The following TENM3 variants were observed in gnomAD, a reference collection of about 807,000 sequenced individuals.
TENM3 encodes teneurin transmembrane protein 3.
In TENM3, 63 loss-of-function variants were observed where a neutral mutation model predicts 255.1. The observed-to-expected ratio is 0.25, with a 90% confidence interval of 0.20 to 0.30. TENM3 has a LOEUF of 0.30. Among genes scored for constraint, TENM3 ranks in the 10% least tolerant of loss-of-function variants. The probability of loss-of-function intolerance (pLI) is 1.00; values close to 1 mark genes in which losing one functional copy is unlikely to be tolerated. For synonymous variants in TENM3, 1,306 were observed against 1,322.3 expected (o/e 0.99, Z 0.27); for missense variants, 2,929 against 3,461.1 (o/e 0.85, Z 3.86).
intron 1 of TENM3, among the ~76,000 whole-genome samples, chr4:182,300,122 G>A (rs527731852): frequency 8.1e-4 from 123 of 152,216 alleles, no homozygotes; most frequent in African/African-American, 2.9e-3. Flanking sequence ...CACCATGTTG[G>A]CAAGGCTGGT....
chr4:182,648,060 G>A (rs766473367), intron 5 of TENM3, among the ~76,000 whole-genome samples: 2 of 151,898 alleles, frequency 1.3e-5, no homozygotes, highest in African/African-American at 2.4e-5. Context: ...CTCCCACCTG[G>A]TGGAGTCATG....
chr4:181,635,035 G>A, the TENM3 span, among the ~76,000 whole-genome samples: 1 of 152,018 alleles, frequency 6.6e-6, no homozygotes, highest in South Asian at 2.1e-4. Flanking sequence ...AATATTGTGA[G>A]ACCTATCTCT....
chr4:182,471,627 C>CTGTGTGTGTGTG (rs35316767), intron 3 of TENM3, among the ~76,000 whole-genome samples: 3 of 149,818 alleles, frequency 2.0e-5, no homozygotes, highest in African/African-American at 7.4e-5. Context: ...GCACATGCCT[C>CTGTGTGTGTGTG]TGTGTGTGTG....
the TENM3 span, among the ~76,000 whole-genome samples, chr4:181,488,463 C>G: frequency 2.6e-5 from 4 of 152,092 alleles, no homozygotes; most frequent in South Asian, 8.3e-4. Flanking sequence ...TGGAAAGATT[C>G]GTTTTTTGGT....
chr4:182,650,925 A>ATATATATAT (rs1561056446), intron 5 of TENM3, among the ~76,000 whole-genome samples: 123 of 18,700 alleles, frequency 6.6e-3, no homozygotes, highest in East Asian at 0.012. Context: ...TATATATATA[A>ATATATATAT]AACAAAGCTG....
intron 1 of TENM3, among the ~76,000 whole-genome samples, chr4:182,178,394 A>G (rs944669019): frequency 1.3e-5 from 2 of 152,056 alleles, no homozygotes; most frequent in African/African-American, 2.4e-5. Context: ...CCTTCACAAC[A>G]CTGTTGCTCT....
the TENM3 span, among the ~76,000 whole-genome samples, chr4:181,676,989 C>CTTTTTTTTTTTTTTT: frequency 1.5e-5 from 2 of 137,694 alleles, no homozygotes; most frequent in Non-Finnish European, 3.1e-5. Context: ...CCGATTTTAT[C>CTTTTTTTTTTTTTTT]TTTTTTTTTT....
intron 3 of TENM3, among the ~76,000 whole-genome samples, chr4:182,550,042 G>A (rs982742728): frequency 1.3e-5 from 2 of 152,102 alleles, no homozygotes; most frequent in Non-Finnish European, 1.5e-5. Flanking sequence ...ATAATTGAAG[G>A]TCTAATAAAA....
At chr4:182,618,934 A>G (rs975271208) in intron 4 of TENM3, among the ~76,000 whole-genome samples, 16 of 148,448 alleles carry the variant, frequency 1.1e-4, no homozygotes, top group African/African-American at 3.6e-4. Context: ...CAACAGGTTG[A>G]CTACTCGGGG....
At chr4:182,381,663 G>T (rs1263323705) in intron 3 of TENM3, among the ~76,000 whole-genome samples, 1 of 149,842 alleles carries the variant, frequency 6.7e-6, no homozygotes, top group Non-Finnish European at 1.5e-5. Flanking sequence ...CAGCGTTCAA[G>T]TGATTCTCCT....
chr4:182,487,302 T>A (rs926408666), intron 3 of TENM3, among the ~76,000 whole-genome samples: 1 of 152,212 alleles, frequency 6.6e-6, no homozygotes, highest in Admixed American at 6.5e-5. Flanking sequence ...TTATTATGGT[T>A]ACTATTATTT....
the TENM3 span, among the ~76,000 whole-genome samples, chr4:181,979,957 A>T: frequency 6.6e-6 from 1 of 152,176 alleles, no homozygotes; most frequent in Non-Finnish European, 1.5e-5. Context: ...CACTAGTTAT[A>T]ACCTGTGAGT....
the TENM3 span, among the ~76,000 whole-genome samples, chr4:181,465,910 C>T: frequency 1.3e-5 from 2 of 152,124 alleles, no homozygotes; most frequent in East Asian, 1.9e-4. Flanking sequence ...GTGCCACTTG[C>T]TCTTCCTTGG....
chr4:181,579,509 G>C, the TENM3 span, among the ~76,000 whole-genome samples: 1 of 152,196 alleles, frequency 6.6e-6, no homozygotes, highest in South Asian at 2.1e-4. Context: ...GCAGGCAATA[G>C]GATGGGAAGG....
chr4:182,668,511 A>G (rs1012098714), intron 6 of TENM3, among the ~76,000 whole-genome samples: 4 of 152,034 alleles, frequency 2.6e-5, no homozygotes, highest in Non-Finnish European at 5.9e-5. Flanking sequence ...TTTTTTCGTT[A>G]CGGGAGGAAA....
the TENM3 span, among the ~76,000 whole-genome samples, chr4:181,878,761 G>T: frequency 1.3e-5 from 2 of 151,426 alleles, no homozygotes; most frequent in African/African-American, 4.8e-5. Flanking sequence ...CCATCCATGC[G>T]TGCATCCATC....
At chr4:181,529,942 A>G in the TENM3 span, among the ~76,000 whole-genome samples, 1 of 152,230 alleles carries the variant, frequency 6.6e-6, no homozygotes, top group African/African-American at 2.4e-5. Flanking sequence ...AAGTCATTCC[A>G]AGTGTGTCAT....
intron 1 of TENM3, among the ~76,000 whole-genome samples, chr4:182,167,417 T>C (rs539005377): frequency 5.9e-5 from 9 of 152,226 alleles, no homozygotes; most frequent in Non-Finnish European, 1.2e-4. Flanking sequence ...TAAATACATA[T>C]GAAATGCCTT....
rs146630167 is a variant in TENM3, at chr4:182,192,776, G to T, written c.-76+48022G>T. 2.6e-5 allele frequency among the ~76,000 whole-genome samples: 4 copies of T among 152,280 alleles called. No individual in the cohort carries two copies. In the East Asian group the frequency reaches 5.8e-4, roughly 22 times the overall value. On this transcript the variant is annotated intron_variant, in intron 1 of 2. Coordinates refer to the TENM3 transcript ENST00000512480. Reference sequence around the variant, plus strand: ...CTAAATTGCATCTGGTGTGTATGTAGGGGTTGAACAACTGCTTTGTGAGTT... The same window carrying T: ...CTAAATTGCATCTGGTGTGTATGTATGGGTTGAACAACTGCTTTGTGAGTT...
Sources: gnomAD v4.1 joint callset for allele counts (sites outside exome capture counted in the v4.1 genomes callset) on GRCh38, gnomAD v4.1.1 for gene constraint, MANE v1.5 for transcripts, NCBI Gene and HGNC (gene_info 2026-07-23, HGNC 2026-07-21) for gene names.